Variants in LARP4B observed in about 807,000 individuals in gnomAD.
LARP4B encodes the protein la-related protein 4B.
In LARP4B, 12 loss-of-function variants were observed where a neutral mutation model predicts 89.8. The ratio of observed to expected loss-of-function variants is 0.13; its 90% CI spans 0.09 to 0.22. LARP4B has a LOEUF of 0.22. LARP4B is among the 10% of genes least tolerant of loss of function. The pLI is 1.00. For missense variants in LARP4B, 757 were observed against 947.7 expected, an observed-to-expected ratio of 0.80 and a Z score of 2.64; for synonymous variants, 367 against 363.3, an observed-to-expected ratio of 1.01 and a Z score of -0.12.
chr10:835,567 AGT>A (rs1223529378), intron 8 of LARP4B, among the ~76,000 whole-genome samples: 1 of 152,248 alleles, frequency 6.6e-6, no homozygotes, highest in Non-Finnish European at 1.5e-5. Context: ...TGTGACCATC[AGT>A]GTGTTTACTA....
At chr10:958,095 C>T in the LARP4B span, among the ~76,000 whole-genome samples, 1 of 152,308 alleles carries the variant, frequency 6.6e-6, no homozygotes, top group Admixed American at 6.5e-5. Context: ...CGATGCCTGG[C>T]CTCCGATTGA....
the LARP4B span, among the ~76,000 whole-genome samples, chr10:965,181 G>A: frequency 6.6e-6 from 1 of 152,236 alleles, no homozygotes; most frequent in Admixed American, 6.5e-5. Context: ...GTGTGTCTGT[G>A]TCTGTCCTGC....
chr10:843,086 T>C lies in LARP4B; in HGVS notation c.510-18A>G, dbSNP rs1833601966. Reference sequence around the variant, plus strand: ...GGTTCTCCCTGTTGAAAGAAAACAATCTCTTTTAATCAGTATTTCTTTAAA... The same window carrying C: ...GGTTCTCCCTGTTGAAAGAAAACAACCTCTTTTAATCAGTATTTCTTTAAA... On this transcript the variant is annotated intron_variant, in intron 6 of 17. Transcript: ENST00000316157. The C allele has an allele frequency of 6.2e-7, 1 of 1,607,994 alleles. No individual in the cohort carries two copies. The highest frequency in any genetic ancestry group is 8.5e-7 in the Non-Finnish European group (1 of 1,176,116).
intron 5 of LARP4B, among the ~76,000 whole-genome samples, chr10:863,001 C>A (rs1396859095): frequency 6.6e-6 from 1 of 152,162 alleles, no homozygotes; most frequent in African/African-American, 2.4e-5. Context: ...CTTCCCCAAA[C>A]AACTTATTTT....
At chr10:888,251 G>A (rs1835919587) in intron 1 of LARP4B, among the ~76,000 whole-genome samples, 2 of 151,870 alleles carry the variant, frequency 1.3e-5, no homozygotes, top group Admixed American at 1.3e-4. Flanking sequence ...ACTTGAGAGA[G>A]ACAGAGGTTG....
At chr10:909,798 G>T (rs574969313) in intron 1 of LARP4B, among the ~76,000 whole-genome samples, 1 of 151,566 alleles carries the variant, frequency 6.6e-6, no homozygotes, top group East Asian at 1.9e-4. Flanking sequence ...AAAAAAAAAA[G>T]AATTTAAGTT....
chr10:933,858 A>T (rs1442125698), upstream of LARP4B, among the ~76,000 whole-genome samples: 3 of 146,552 alleles, frequency 2.0e-5, no homozygotes, highest in Non-Finnish European at 4.5e-5. Context: ...TTTGAGACTG[A>T]CTCTCCCTCT....
chr10:949,003 C>T, the LARP4B span, among the ~76,000 whole-genome samples: 5 of 152,226 alleles, frequency 3.3e-5, no homozygotes, highest in African/African-American at 4.8e-5. Flanking sequence ...TCGTTTTCTC[C>T]GGGATGAACA....
the LARP4B span, among the ~76,000 whole-genome samples, chr10:973,712 A>C: frequency 6.6e-6 from 1 of 152,180 alleles, no homozygotes; most frequent in Non-Finnish European, 1.5e-5. Context: ...CCCGTTAGCT[A>C]AATTTTTAAC....
chr10:984,839 T>C, the LARP4B span, among the ~76,000 whole-genome samples: 1 of 152,082 alleles, frequency 6.6e-6, no homozygotes. Context: ...CACTTAAATC[T>C]GAGAATTGCT....
chr10:888,155 A>G (rs1411207257), intron 1 of LARP4B, among the ~76,000 whole-genome samples: 3 of 151,968 alleles, frequency 2.0e-5, no homozygotes. Context: ...CCCCATCTCT[A>G]CTGAAAATAC....
At chr10:878,152 C>A (rs1223916907) in intron 3 of LARP4B, among the ~76,000 whole-genome samples, 1 of 152,170 alleles carries the variant, frequency 6.6e-6, no homozygotes, top group Non-Finnish European at 1.5e-5. Context: ...CAGAGGAGAG[C>A]CAGTGGGCAG....
At chr10:900,420 C>CTT (rs529963345) in intron 1 of LARP4B, among the ~76,000 whole-genome samples, 794 of 45,196 alleles carry the variant, frequency 0.018, 242 homozygotes, top group Non-Finnish European at 0.019. Context: ...AGAAGGATGT[C>CTT]TTTTTTTTTT....
Position 829,445 on chromosome 10 carries a change from C to G in LARP4B, c.1065G>C (p.Leu355=), listed in dbSNP as rs1389178995. ...PMYSPQQQFP[L]YSLITPQTWS... is the part of the protein sequence containing the mutation. The stretch of plus-strand genomic sequence containing the variant: ...ACGTCTGGGGAGTGATCAGGCTGTA[C>G]AGGGGGAACTGCTGCTGGGGGCTGT... The change falls in exon 11 of 18, where the codon CTG becomes CTC. Residue 355 remains leucine (L), a synonymous_variant. Transcript: ENST00000316157. 2 of 1,614,042 alleles carry G rather than the reference C, an allele frequency of 1.2e-6. No homozygotes were observed. Among genetic ancestry groups the G allele is most frequent in the African/African-American group, 1.3e-5 (1 of 75,020 alleles).
intron 14 of LARP4B, 53 bp downstream of exon 14, chr10:820,747 G>T: frequency 7.0e-7 from 1 of 1,434,224 alleles, no homozygotes. Flanking sequence ...CTCAGGTTTG[G>T]TATAAATTAG....
intron 5 of LARP4B, among the ~76,000 whole-genome samples, chr10:854,035 C>T (rs1207772019): frequency 6.6e-6 from 1 of 152,200 alleles, no homozygotes; most frequent in Non-Finnish European, 1.5e-5. Context: ...GTCATTTCAA[C>T]AATATTCACA....
At chr10:826,468 A>G (rs999012554) in intron 11 of LARP4B, among the ~76,000 whole-genome samples, 12 of 152,268 alleles carry the variant, frequency 7.9e-5, no homozygotes, top group South Asian at 6.2e-4. Context: ...AGAAAGGGTC[A>G]CAGAACCCCT....
the LARP4B span, among the ~76,000 whole-genome samples, chr10:947,146 A>C: frequency 6.6e-6 from 1 of 152,228 alleles, no homozygotes; most frequent in South Asian, 2.1e-4. Flanking sequence ...CTGGGATTAC[A>C]GGCGTGAGCC....
chr10:923,072 T>C (rs1488395692), intron 1 of LARP4B, among the ~76,000 whole-genome samples: 1 of 148,550 alleles, frequency 6.7e-6, no homozygotes, highest in Admixed American at 6.7e-5. Context: ...AGACTCCACC[T>C]CAAAAAAAAA....
Sources: gnomAD v4.1 joint callset for allele counts (sites outside exome capture counted in the v4.1 genomes callset) on GRCh38, gnomAD v4.1.1 for gene constraint, MANE v1.5 for transcripts, NCBI Gene and HGNC (gene_info 2026-07-23, HGNC 2026-07-21) for gene names.